The following GLRX3 variants were observed in gnomAD, a reference collection of about 807,000 sequenced individuals.
The protein encoded by GLRX3 is glutaredoxin 3, also known as glutaredoxin-3.
A neutral mutation model predicts 49.5 loss-of-function variants in GLRX3; 22 were observed. The ratio of observed to expected loss-of-function variants is 0.44; its 90% confidence interval spans 0.32 to 0.63. The LOEUF (loss-of-function observed/expected upper bound fraction) is 0.63, where lower values mean the gene tolerates loss of function less well. Among genes scored for constraint, GLRX3 ranks in the 30% least tolerant of loss-of-function variants. The pLI is 0.05. For missense variants in GLRX3, 385 were observed against 396.3 expected (o/e 0.97, Z 0.24); for synonymous variants, 133 against 140.0 (o/e 0.95, Z 0.35).
chr10:130,145,397 T>A, intron 2 of GLRX3, 78 bp downstream of exon 2: 1 of 722,062 alleles, frequency 1.4e-6, no homozygotes, highest in South Asian at 1.5e-5. Context: ...GTGCGGTAGC[T>A]CACACCTGTA....
intron 5 of GLRX3, 28 bp downstream of exon 5, chr10:130,166,707 A>G (rs747334510): frequency 2.1e-6 from 3 of 1,433,664 alleles, no homozygotes; most frequent in Non-Finnish European, 2.9e-6. Flanking sequence ...TGTGCTTTGT[A>G]AAGAAATTCC....
chr10:130,158,276 G>A (rs35132210), intron 2 of GLRX3, among the ~76,000 whole-genome samples: 14,302 of 151,502 alleles, frequency 0.094, 851 homozygotes, highest in Non-Finnish European at 0.12. Context: ...GCAATAGTGC[G>A]ATCTTGGCTC....
intron 8 of GLRX3, among the ~76,000 whole-genome samples, chr10:130,173,364 C>T (rs1020381401): frequency 3.3e-5 from 5 of 152,160 alleles, no homozygotes; most frequent in African/African-American, 9.7e-5. Context: ...ACTTGCTAAG[C>T]GTGATTGGCC....
chr10:130,144,246 A>G (rs1862227538), intron 1 of GLRX3, among the ~76,000 whole-genome samples: 1 of 149,372 alleles, frequency 6.7e-6, no homozygotes, highest in African/African-American at 2.5e-5. Flanking sequence ...TTCAGTTTCC[A>G]CTTTGCCCAG....
At chr10:130,153,191 C>T (rs934792696) in intron 2 of GLRX3, among the ~76,000 whole-genome samples, 2 of 152,084 alleles carry the variant, frequency 1.3e-5, no homozygotes, top group Non-Finnish European at 2.9e-5. Flanking sequence ...ATTAGTTAGC[C>T]ACTTGTCTAA....
intron 10 of GLRX3, among the ~76,000 whole-genome samples, chr10:130,176,718 G>A (rs1050424189): frequency 1.3e-5 from 2 of 151,666 alleles, no homozygotes; most frequent in African/African-American, 2.4e-5. Context: ...AGCAGAAACA[G>A]ATCTGCATTT....
Position 130,166,634 on chromosome 10 carries a change from G to T in GLRX3, c.606G>T (p.Gln202His). 1 of 1,611,864 alleles carries T rather than the reference G, an allele frequency of 6.2e-7. No individual in the cohort carries two copies. Among genetic ancestry groups the T allele is most frequent in the Non-Finnish European group, 8.5e-7 (1 of 1,177,980 alleles). ...KAYSSWPTYP[Q>H]LYVSGELIGG... is the part of the protein sequence containing the mutation. ...ATTCCAGTTGGCCTACCTATCCTCA[G>T]CTCTATGTTTCTGGAGAGCTCATAG... Residue 202 changes from glutamine (Q) to histidine (H), a missense_variant, in exon 5 of 11, where the codon CAG becomes CAT. Gln to His is a conservative substitution (Grantham distance 24). Coordinates refer to ENST00000331244, the MANE Select transcript of GLRX3 (RefSeq NM_006541.5).
At chr10:130,174,345 G>C (rs1565000373) in intron 8 of GLRX3, among the ~76,000 whole-genome samples, 1 of 152,258 alleles carries the variant, frequency 6.6e-6, no homozygotes, top group Non-Finnish European at 1.5e-5. Context: ...AGCAGCCTGG[G>C]GTGGGTTAGA....
At chr10:130,137,668 G>A (rs1036367939) in intron 1 of GLRX3, among the ~76,000 whole-genome samples, 10 of 152,232 alleles carry the variant, frequency 6.6e-5, no homozygotes, top group African/African-American at 2.2e-4. Flanking sequence ...GAAGCACTCA[G>A]TAGATGTTGG....
chr10:130,169,289 C>A, intron 6 of GLRX3, 144 bp from the exon 7 acceptor site: 1 of 610,166 alleles, frequency 1.6e-6, no homozygotes, highest in Non-Finnish European at 3.0e-6. Context: ...AGGAAAATGT[C>A]AACGCATTTG....
Position 130,145,335 on chromosome 10 carries a change from T to C in GLRX3, c.201+16T>C. ...ATTTGTGAAGGTATTTATATTTCAA[T>C]GTCATGTCTTTTGTGAATTTAATTC... is the stretch of plus-strand genomic sequence containing the variant. On this transcript the variant is annotated intron_variant, in intron 2 of 10. Transcript: ENST00000331244. 9.1e-7 allele frequency: 1 copy of C among 1,096,600 alleles called. No homozygotes were observed. Among genetic ancestry groups the C allele is most frequent in the Non-Finnish European group, 1.4e-6 (1 of 707,988 alleles). The allele number at this position is 1,096,600 out of a possible 1,614,324, so 67.9% of individuals were successfully genotyped here.
chr10:130,160,560 T>C (rs960551743), intron 3 of GLRX3, among the ~76,000 whole-genome samples: 4 of 152,210 alleles, frequency 2.6e-5, no homozygotes, highest in African/African-American at 9.6e-5. Flanking sequence ...GTCTTTTTTG[T>C]ATTATGTTAG....
At chr10:130,158,293 A>T (rs1028435320) in intron 2 of GLRX3, among the ~76,000 whole-genome samples, 1 of 151,948 alleles carries the variant, frequency 6.6e-6, no homozygotes, top group African/African-American at 2.4e-5. Context: ...GCTCACTGCA[A>T]CCTCTGCCTC....
At chr10:130,179,064 C>T (rs1388662796) in intron 10 of GLRX3, among the ~76,000 whole-genome samples, 1 of 152,136 alleles carries the variant, frequency 6.6e-6, no homozygotes, top group East Asian at 1.9e-4. Context: ...TCTTGAACTC[C>T]TGGCCTCAAG....
chr10:130,159,498 A>G (rs1308293323), intron 2 of GLRX3, among the ~76,000 whole-genome samples: 1 of 152,238 alleles, frequency 6.6e-6, no homozygotes, highest in African/African-American at 2.4e-5. Context: ...TTTATCAGAC[A>G]TCAATAGTTT....
At position 130,145,294 on chromosome 10, in the gene GLRX3, A is replaced by G. The variant is rs1862250822; in HGVS notation, c.176A>G (p.Glu59Gly). The change falls in exon 2 of 11, where the codon GAA becomes GGA. Residue 59 changes from glutamate (E) to glycine (G), a missense_variant. By Grantham distance (98) the Glu-to-Gly change is moderately conservative (BLOSUM62 -2). This residue lies in a region of GLRX3 where 374 missense variants were observed against 358.6 expected (regional missense o/e 1.04). Transcript: ENST00000331244. The part of the protein sequence containing the change: ...MNEVMAELAK[E>G]LPQVSFVKLE... Reference sequence around the variant, plus strand: ...GAAGTTATGGCAGAGTTAGCTAAAGAACTCCCTCAAGTTTCATTTGTGAAG... The same window carrying G: ...GAAGTTATGGCAGAGTTAGCTAAAGGACTCCCTCAAGTTTCATTTGTGAAG... 1 of 1,485,944 alleles carries G rather than the reference A, an allele frequency of 6.7e-7. No homozygotes were observed. The highest frequency in any genetic ancestry group is 9.4e-7 in the Non-Finnish European group (1 of 1,063,426). The allele number at this position is 1,485,944 out of a possible 1,614,324, so 92.0% of individuals were successfully genotyped here.
At chr10:130,171,460 G>A (rs1862806733) in intron 7 of GLRX3, 124 bp from the exon 8 acceptor site, 1 of 683,630 alleles carries the variant, frequency 1.5e-6, no homozygotes. Flanking sequence ...AGCTCTGGGA[G>A]CTGAGTGAAA....
chr10:130,169,357 T>C, intron 6 of GLRX3, 76 bp from the exon 7 acceptor site: 2 of 859,254 alleles, frequency 2.3e-6, no homozygotes, highest in Non-Finnish European at 2.0e-6. Context: ...CAAATATGCA[T>C]GTTACTCACG....
chr10:130,178,747 G>T (rs1862969133), intron 10 of GLRX3, among the ~76,000 whole-genome samples: 1 of 152,216 alleles, frequency 6.6e-6, no homozygotes, highest in African/African-American at 2.4e-5. Flanking sequence ...CTCTAGCCCA[G>T]GCTGGAGTGC....
Sources: gnomAD v4.1 joint callset for allele counts (sites outside exome capture counted in the v4.1 genomes callset) on GRCh38, gnomAD v4.1.1 for gene constraint, gnomAD v4.1.1 regional missense constraint, MANE v1.5 for transcripts, NCBI Gene and HGNC (gene_info 2026-07-23, HGNC 2026-07-21) for gene names.